The following BRD8 variants were observed in gnomAD, a reference collection of about 807,000 sequenced individuals.
BRD8 encodes the protein bromodomain containing 8.
In BRD8, 67 loss-of-function variants were observed where a neutral mutation model predicts 143.1. That is an observed-to-expected ratio of 0.47 (90% CI 0.38 to 0.57). The LOEUF is 0.57. Ranked by LOEUF, BRD8 falls within the 20% of genes least tolerant of loss-of-function variation. BRD8 has a pLI of 0.00. For missense variants in BRD8, 1,103 were observed against 1,503.0 expected (o/e 0.73, Z 4.40); for synonymous variants, 505 against 517.1 (o/e 0.98, Z 0.32).
At chr5:138,166,962 A>AAGGCT (rs1238050564) in intron 9 of BRD8, 2 of 437,480 alleles carry the variant, frequency 4.6e-6, no homozygotes, top group Non-Finnish European at 8.5e-6. Flanking sequence ...AATGGGTGGT[A>AAGGCT]AGGCTAGGTG....
At chr5:138,170,219 C>A (rs546322118) in intron 7 of BRD8, 126 bp downstream of exon 7, 4 of 724,298 alleles carry the variant, frequency 5.5e-6, no homozygotes, top group East Asian at 5.2e-5. Flanking sequence ...TGTTTTTATT[C>A]TGGTAGAAGA....
chr5:138,163,578 G>A, intron 14 of BRD8: 2 of 1,446,052 alleles, frequency 1.4e-6, no homozygotes, highest in East Asian at 2.9e-5. Context: ...AAAAAAAAAA[G>A]CTACTTACTT....
In BRD8 at chr5:138,164,890, T is replaced by C. The variant is rs754554323; in HGVS notation, c.1555A>G (p.Ile519Val). ...KVEPAEPEPV[I>V]SGAEIVAGVV... ...CCAGCTACTATTTCGGCTCCTGAAA[T>C]GACTGGCTCTGGTTCTGCAGGTTCC... The change falls in exon 12 of 27, where the codon ATT becomes GTT. Residue 519 changes from isoleucine to valine, a missense_variant. By Grantham distance (29) the Ile-to-Val change is conservative (BLOSUM62 3). Transcript: ENST00000254900. The C allele has an allele frequency of 9.9e-6, 16 of 1,614,214 alleles. No individual in the cohort carries two copies. In the East Asian group the frequency reaches 2.9e-4, roughly 29 times the overall value.
chr5:138,161,938 A>G (rs1753031153), intron 16 of BRD8, 74 bp from the exon 17 acceptor site: 1 of 1,575,864 alleles, frequency 6.3e-7, no homozygotes, highest in Admixed American at 1.7e-5. Flanking sequence ...CTAAGTAACT[A>G]AAGGTAGTAA....
At position 138,145,881 on chromosome 5, in the gene BRD8, A is replaced by T. The variant is rs757323117; in HGVS notation, c.3279-3T>A. 1 of 1,611,878 alleles carries T rather than the reference A, an allele frequency of 6.2e-7. No individual in the cohort carries two copies. The highest frequency in any genetic ancestry group is 8.5e-7 in the Non-Finnish European group (1 of 1,178,156). ...GGTCATCCTGGCTTAGATCAGTCCT[A>T]TGAGGATAAAACATGAAGAAAAGAG... On this transcript the variant is annotated splice_region_variant and splice_polypyrimidine_tract_variant and intron_variant, in intron 23 of 26. Coordinates refer to ENST00000254900, the MANE Select transcript of BRD8 (RefSeq NM_139199.2).
intron 2 of BRD8, chr5:138,172,593 A>G (rs1341775464): frequency 1.3e-5 from 4 of 307,918 alleles, no homozygotes; most frequent in Non-Finnish European, 2.4e-5. Context: ...TAATCCCAGC[A>G]CTCTGGGAGG....
intron 9 of BRD8, chr5:138,166,966 C>T (rs1309343741): frequency 2.3e-5 from 10 of 428,348 alleles, no homozygotes; most frequent in Non-Finnish European, 4.3e-5. Flanking sequence ...GGTGGTAAGG[C>T]TAGGTGCAGT....
In BRD8 at chr5:138,150,790, G is replaced by A; in HGVS notation, c.3075C>T (p.Pro1025=). The stretch of plus-strand genomic sequence containing the variant: ...GTCCCTGAACTGTACAAATAACTGA[G>A]GGAGCTGAAGCCACCTCTGGCTTTC... The part of the protein sequence containing the change: ...ENGKPEVASA[P]SVICTVQGLL... The change falls in exon 22 of 27, where the codon CCC becomes CCT. Residue 1025 remains proline, a synonymous_variant. Transcript: ENST00000254900. 1 of 1,614,106 alleles carries A rather than the reference G, an allele frequency of 6.2e-7. No individual in the cohort carries two copies.
chr5:138,164,245 T>A (rs1266515430), intron 13 of BRD8, 75 bp downstream of exon 13: 3 of 1,577,618 alleles, frequency 1.9e-6, no homozygotes, highest in Non-Finnish European at 2.6e-6. Flanking sequence ...CTACCTCCTC[T>A]ACTTGCCCAC....
chr5:138,156,252 GC>G (rs1752594080), intron 20 of BRD8, among the ~76,000 whole-genome samples: 1 of 151,602 alleles, frequency 6.6e-6, no homozygotes, highest in Non-Finnish European at 1.5e-5. Flanking sequence ...TGCTTCTTCT[GC>G]CTCAGCCTCT....
At chr5:138,168,851 A>T (rs1011096358) in intron 8 of BRD8, among the ~76,000 whole-genome samples, 7 of 151,868 alleles carry the variant, frequency 4.6e-5, no homozygotes, top group Non-Finnish European at 8.8e-5. Context: ...TCTTCCCCAC[A>T]ATCTTCTCTT....
intron 15 of BRD8, 44 bp downstream of exon 15, chr5:138,163,086 A>C (rs1427310100): frequency 6.5e-7 from 1 of 1,545,674 alleles, no homozygotes; most frequent in East Asian, 2.2e-5. Flanking sequence ...TCCTCTCCTC[A>C]CCTTCACTGC....
chr5:138,157,170 T>C (rs1343957875), intron 20 of BRD8: 1 of 1,610,256 alleles, frequency 6.2e-7, no homozygotes, highest in Admixed American at 1.7e-5. Flanking sequence ...TGTTTACTTT[T>C]ATTTTAGGTT....
At chr5:138,150,161 A>G (rs1422508510) in intron 22 of BRD8, among the ~76,000 whole-genome samples, 2 of 147,754 alleles carry the variant, frequency 1.4e-5, no homozygotes, top group Admixed American at 6.9e-5. Context: ...TCTGTTGCCC[A>G]GGCTGGAGTG....
intron 6 of BRD8, 65 bp from the exon 7 acceptor site, chr5:138,170,474 C>G (rs974345954): frequency 6.3e-7 from 1 of 1,580,334 alleles, no homozygotes; most frequent in African/African-American, 1.3e-5. Context: ...TCACAGAACC[C>G]TTACAAAGTA....
At chr5:138,168,816 T>A (rs1581447668) in intron 8 of BRD8, 1 of 630,540 alleles carries the variant, frequency 1.6e-6, no homozygotes, top group East Asian at 2.9e-5. Context: ...AAACCCTCTA[T>A]CCCTCCTGCT....
intron 19 of BRD8, 97 bp from the exon 20 acceptor site, chr5:138,159,696 A>C: frequency 8.4e-7 from 1 of 1,197,162 alleles, no homozygotes; most frequent in Non-Finnish European, 1.2e-6. Flanking sequence ...CCACACACAC[A>C]AGGACAAAAT....
Position 138,152,484 on chromosome 5 carries a change from CAGAG to C in BRD8, c.2850_2853del (p.Ser951ArgfsTer2). The C allele has an allele frequency of 6.2e-7, 1 of 1,613,894 alleles. No individual in the cohort carries two copies. Among genetic ancestry groups the C allele is most frequent in the South Asian group, 1.1e-5 (1 of 91,064 alleles). On this transcript the variant is annotated frameshift_variant, in exon 21 of 27. Transcript: ENST00000254900. LOFTEE classifies it high-confidence loss of function. ...TGGAAATAAGAGCTCACTGTTACCT[CAGAG>C]AGAAAGTGGAGGAGGTTCTGGTGGC...
intron 2 of BRD8, among the ~76,000 whole-genome samples, chr5:138,176,654 G>A (rs2090437675): frequency 6.6e-6 from 1 of 152,108 alleles, no homozygotes; most frequent in African/African-American, 2.4e-5. Flanking sequence ...TGACAGTTAA[G>A]GAGTAAGGGG....
Sources: allele counts gnomAD v4.1 joint callset (sites outside exome capture counted in the v4.1 genomes callset), GRCh38; gene constraint gnomAD v4.1.1; transcripts MANE v1.5; gene names NCBI Gene and HGNC (gene_info 2026-07-23, HGNC 2026-07-21).